TLK1: variants seen among roughly 807,000 people sequenced by gnomAD.
TLK1 encodes the protein tousled like kinase 1, also known as serine/threonine-protein kinase tousled-like 1.
TLK1 carries 24 observed loss-of-function variants against 105.3 expected under a neutral mutation model. The observed-to-expected ratio is 0.23, with a 90% CI of 0.17 to 0.32. The LOEUF (loss-of-function observed/expected upper bound fraction) is 0.32, where lower values mean the gene tolerates loss of function less well. Ranked by LOEUF, TLK1 falls within the 10% of genes least tolerant of loss-of-function variation. The probability of loss-of-function intolerance (pLI) is 1.00; values close to 1 mark genes in which losing one functional copy is unlikely to be tolerated. For synonymous variants in TLK1, 321 were observed against 310.4 expected (o/e 1.03, Z -0.36); for missense variants, 558 against 910.5 (o/e 0.61, Z 4.98).
intron 2 of TLK1, among the ~76,000 whole-genome samples, chr2:171,098,945 G>A (rs1157571962): frequency 6.6e-6 from 1 of 152,138 alleles, no homozygotes; most frequent in African/African-American, 2.4e-5. Flanking sequence ...CAGCAATCTA[G>A]AAATAAAAGG....
chr2:171,132,534 A>G (rs1691146349), intron 1 of TLK1, among the ~76,000 whole-genome samples: 1 of 152,262 alleles, frequency 6.6e-6, no homozygotes. Flanking sequence ...CTAATAATAC[A>G]GCGTAGTGGT....
At chr2:171,086,639 A>C (rs78793589) in intron 2 of TLK1, among the ~76,000 whole-genome samples, 1 of 80,348 alleles carries the variant, frequency 1.2e-5, no homozygotes, top group Non-Finnish European at 3.1e-5. Context: ...AAAAACAAAC[A>C]AAAAAAAAAA....
At chr2:171,194,746 G>A (rs190141549) in intron 1 of TLK1, among the ~76,000 whole-genome samples, 18 of 151,144 alleles carry the variant, frequency 1.2e-4, no homozygotes, top group African/African-American at 3.7e-4. Context: ...GAACCTGGGA[G>A]GCGGAGCTTG....
chr2:171,088,150 G>A (rs1689064566), intron 2 of TLK1, among the ~76,000 whole-genome samples: 1 of 151,978 alleles, frequency 6.6e-6, no homozygotes, highest in Non-Finnish European at 1.5e-5. Context: ...GGGCAACATG[G>A]TGAAACCCTG....
At chr2:171,115,174 CTTTT>C (rs151300135) in intron 2 of TLK1, among the ~76,000 whole-genome samples, 1 of 137,668 alleles carries the variant, frequency 7.3e-6, no homozygotes. Context: ...GAATTTCTTT[CTTTT>C]TTTTTTTTTT....
At chr2:171,213,571 C>A (rs1693659719) in intron 1 of TLK1, among the ~76,000 whole-genome samples, 1 of 151,164 alleles carries the variant, frequency 6.6e-6, no homozygotes. Context: ...ATAATCCCAA[C>A]ACTTTGGGAG....
At chr2:171,019,627 C>G (rs1685384918) in intron 12 of TLK1, among the ~76,000 whole-genome samples, 1 of 152,114 alleles carries the variant, frequency 6.6e-6, no homozygotes, top group East Asian at 1.9e-4. Context: ...CGCATAAAGC[C>G]AAGATAAAAC....
At chr2:171,002,436 G>T (rs536104039) in intron 18 of TLK1, among the ~76,000 whole-genome samples, 1 of 151,576 alleles carries the variant, frequency 6.6e-6, no homozygotes, top group Non-Finnish European at 1.5e-5. Flanking sequence ...CACCATGCCC[G>T]GCTAATTTTT....
At chr2:171,076,895 C>CA (rs1200846959) in intron 3 of TLK1, among the ~76,000 whole-genome samples, 1 of 151,230 alleles carries the variant, frequency 6.6e-6, no homozygotes, top group Non-Finnish European at 1.5e-5. Flanking sequence ...GCCTAGGCAA[C>CA]GAGTGAGACT....
chr2:171,188,974 C>A (rs1190216862), intron 1 of TLK1, among the ~76,000 whole-genome samples: 5 of 151,720 alleles, frequency 3.3e-5, no homozygotes, highest in African/African-American at 1.2e-4. Context: ...CATTTACATC[C>A]TTTGTGCTTA....
At chr2:171,154,707 T>A (rs1692168896) in intron 1 of TLK1, among the ~76,000 whole-genome samples, 1 of 152,204 alleles carries the variant, frequency 6.6e-6, no homozygotes, top group African/African-American at 2.4e-5. Flanking sequence ...CATAACAATA[T>A]TCCTGTAATT....
At chr2:171,079,357 CT>C (rs1471507688) in intron 3 of TLK1, among the ~76,000 whole-genome samples, 1 of 152,200 alleles carries the variant, frequency 6.6e-6, no homozygotes, top group Non-Finnish European at 1.5e-5. Context: ...TCCATAGCAT[CT>C]TGTGCTTCTA....
chr2:171,032,517 C>T (rs1686094105), intron 11 of TLK1, among the ~76,000 whole-genome samples: 1 of 152,064 alleles, frequency 6.6e-6, no homozygotes, highest in Admixed American at 6.6e-5. Flanking sequence ...GAATATAATA[C>T]CTAGGAATAA....
intron 1 of TLK1, among the ~76,000 whole-genome samples, chr2:171,208,598 A>G (rs1693552231): frequency 6.6e-6 from 1 of 152,246 alleles, no homozygotes; most frequent in Admixed American, 6.5e-5. Context: ...TAAGAAATTT[A>G]TTTTAAGGCT....
chr2:171,145,261 T>A (rs976993377), intron 1 of TLK1, among the ~76,000 whole-genome samples: 5 of 151,516 alleles, frequency 3.3e-5, no homozygotes, highest in African/African-American at 1.2e-4. Flanking sequence ...TGAGCCGAGA[T>A]CGCACCACTG....
intron 1 of TLK1, among the ~76,000 whole-genome samples, chr2:171,191,545 C>T (rs1358975466): frequency 6.6e-6 from 1 of 152,164 alleles, no homozygotes; most frequent in Non-Finnish European, 1.5e-5. Context: ...GCCAGAGATA[C>T]CCACCCCTTT....
intron 1 of TLK1, among the ~76,000 whole-genome samples, chr2:171,182,935 A>AAAAGAAAGAAAG (rs750018547): frequency 1.8e-4 from 23 of 128,836 alleles, no homozygotes; most frequent in East Asian, 6.5e-4. Flanking sequence ...AAAAAAAAAA[A>AAAAGAAAGAAAG]AAAGAAAGAA....
intron 6 of TLK1, among the ~76,000 whole-genome samples, chr2:171,055,717 C>T (rs984521429): frequency 4.0e-5 from 6 of 151,856 alleles, no homozygotes; most frequent in Non-Finnish European, 5.9e-5. Context: ...CTTTTATACA[C>T]GGCAATGTGA....
At chr2:171,117,142 T>C (rs575406869) in intron 2 of TLK1, among the ~76,000 whole-genome samples, 1 of 152,228 alleles carries the variant, frequency 6.6e-6, no homozygotes, top group South Asian at 2.1e-4. Context: ...GGGGAATAGT[T>C]TAGAGATGAA....
Sources: gnomAD v4.1 joint callset for allele counts (sites outside exome capture counted in the v4.1 genomes callset) on GRCh38, gnomAD v4.1.1 for gene constraint, MANE v1.5 for transcripts, NCBI Gene and HGNC (gene_info 2026-07-23, HGNC 2026-07-21) for gene names.